DLG2: variants seen among roughly 807,000 people sequenced by gnomAD.
DLG2 encodes disks large homolog 2.
In DLG2, 45 loss-of-function variants were observed where a neutral mutation model predicts 132.5. That is an observed-to-expected ratio of 0.34 (90% CI 0.27 to 0.44). The LOEUF (loss-of-function observed/expected upper bound fraction) is 0.44, where lower values mean the gene tolerates loss of function less well. DLG2 is among the 20% of genes least tolerant of loss of function. DLG2 has a pLI of 1.00. For missense variants in DLG2, 1,045 were observed against 1,196.9 expected (o/e 0.87, Z 1.87); for synonymous variants, 424 against 419.6 (o/e 1.01, Z -0.13).
At chr11:83,947,420 T>G (rs1418615661) in intron 14 of DLG2, among the ~76,000 whole-genome samples, 1 of 152,188 alleles carries the variant, frequency 6.6e-6, no homozygotes, top group Non-Finnish European at 1.5e-5. Flanking sequence ...TCACAAAATC[T>G]ATTCTTAATA....
intron 22 of DLG2, 50 bp from the exon 23 acceptor site, chr11:83,472,827 C>T (rs1324297273): frequency 7.4e-6 from 11 of 1,482,990 alleles, no homozygotes; most frequent in Non-Finnish European, 1.0e-5. Flanking sequence ...TCATATATTA[C>T]AGAGACAAGC....
At chr11:85,492,778 G>T (rs1275845691) in intron 3 of DLG2, among the ~76,000 whole-genome samples, 1 of 149,358 alleles carries the variant, frequency 6.7e-6, no homozygotes, top group Non-Finnish European at 1.5e-5. Flanking sequence ...ACCTTAAAAG[G>T]ATAAACAATG....
At chr11:84,607,214 T>C (rs930935273) in intron 6 of DLG2, among the ~76,000 whole-genome samples, 5 of 152,160 alleles carry the variant, frequency 3.3e-5, no homozygotes, top group African/African-American at 1.2e-4. Flanking sequence ...GCCACAACTA[T>C]AATTCAAGTG....
At chr11:85,514,931 T>C (rs952855902) in intron 3 of DLG2, among the ~76,000 whole-genome samples, 46 of 151,964 alleles carry the variant, frequency 3.0e-4, no homozygotes, top group African/African-American at 1.1e-3. Flanking sequence ...TATACTTTCG[T>C]TGTACATCTA....
chr11:84,790,859 A>G (rs2073735769), intron 6 of DLG2, among the ~76,000 whole-genome samples: 1 of 152,108 alleles, frequency 6.6e-6, no homozygotes, highest in African/African-American at 2.4e-5. Flanking sequence ...CCCCCAGTGT[A>G]TGTTCTTGGC....
At position 83,629,484 on chromosome 11, in the gene DLG2, C is replaced by T. The variant is rs532427726; in HGVS notation, c.1940+3727G>A. ...GAATGATTTGCTTTTTTTCCTTGCCCTCCCCATTCTCCCAGCATCCTGGGT... is the reference window on the plus strand; with the variant it reads ...GAATGATTTGCTTTTTTTCCTTGCCTTCCCCATTCTCCCAGCATCCTGGGT... On this transcript the variant is annotated intron_variant, in intron 19 of 27. Transcript: ENST00000376104. 2.6e-5 allele frequency among the ~76,000 whole-genome samples: 4 copies of T among 152,118 alleles called. No individual in the cohort carries two copies. The East Asian group carries it at 7.7e-4, about 29-fold the overall frequency.
chr11:83,960,601 A>C (rs1003398058), intron 14 of DLG2, among the ~76,000 whole-genome samples: 5 of 151,938 alleles, frequency 3.3e-5, no homozygotes, highest in Non-Finnish European at 7.4e-5. Flanking sequence ...TGCATAAATT[A>C]GGGAACAGGC....
At chr11:83,902,354 T>C (rs2073697321) in intron 15 of DLG2, among the ~76,000 whole-genome samples, 2 of 152,322 alleles carry the variant, frequency 1.3e-5, no homozygotes, top group South Asian at 4.1e-4. Context: ...GAATCAAGAT[T>C]GAATGAATCA....
chr11:83,466,077 G>GT (rs1180214737), intron 26 of DLG2, among the ~76,000 whole-genome samples: 1 of 152,142 alleles, frequency 6.6e-6, no homozygotes, highest in African/African-American at 2.4e-5. Flanking sequence ...GAGTGCACAG[G>GT]TATGAAGCTA....
chr11:84,832,142 A>C (rs1218818976), intron 6 of DLG2, among the ~76,000 whole-genome samples: 1 of 151,626 alleles, frequency 6.6e-6, no homozygotes, highest in Non-Finnish European at 1.5e-5. Flanking sequence ...TCTGTTTTTT[A>C]CTGCTTTAAG....
chr11:84,416,786 T>C (rs1024520273), intron 7 of DLG2, among the ~76,000 whole-genome samples: 2 of 152,218 alleles, frequency 1.3e-5, no homozygotes, highest in Admixed American at 1.3e-4. Flanking sequence ...ACACAGTATA[T>C]GTGCTCAATT....
intron 6 of DLG2, among the ~76,000 whole-genome samples, chr11:84,619,543 G>T (rs1338950567): frequency 6.6e-6 from 1 of 151,316 alleles, no homozygotes; most frequent in Non-Finnish European, 1.5e-5. Context: ...AAGAAAAAAA[G>T]AGAAAATGAC....
intron 6 of DLG2, among the ~76,000 whole-genome samples, chr11:84,619,387 A>T (rs1555103155): frequency 6.6e-6 from 1 of 151,848 alleles, no homozygotes; most frequent in Non-Finnish European, 1.5e-5. Flanking sequence ...TTGTAATTTA[A>T]ATTGTTAATT....
chr11:84,480,370 A>G (rs2099133623), intron 7 of DLG2, among the ~76,000 whole-genome samples: 1 of 152,172 alleles, frequency 6.6e-6, no homozygotes, highest in Admixed American at 6.6e-5. Flanking sequence ...AGACTGTTTA[A>G]TCCTTGAGAG....
In DLG2 at chr11:85,227,607, C is replaced by T. The variant is rs543701095; in HGVS notation, c.186+57613G>A. 2.6e-5 allele frequency among the ~76,000 whole-genome samples: 4 copies of T among 152,170 alleles called. No individual in the cohort carries two copies. The South Asian group carries it at 8.3e-4, about 32-fold the overall frequency. ...CCTTGCATAATTCTTTGTTAACTAT[C>T]TTAAGGAATAAGGAGTTTAATCTTC... On this transcript the variant is annotated intron_variant, in intron 4 of 27. Transcript: ENST00000376104.
At chr11:83,941,914 CAG>C (rs1565737145) in intron 14 of DLG2, among the ~76,000 whole-genome samples, 1 of 152,112 alleles carries the variant, frequency 6.6e-6, no homozygotes, top group Non-Finnish European at 1.5e-5. Context: ...TTTTCTGTGT[CAG>C]TACACATGGC....
chr11:84,747,883 G>A (rs951201118), intron 6 of DLG2, among the ~76,000 whole-genome samples: 3 of 152,132 alleles, frequency 2.0e-5, no homozygotes, highest in African/African-American at 7.2e-5. Context: ...GAATAGAAAA[G>A]TTCTGCGCCT....
intron 6 of DLG2, among the ~76,000 whole-genome samples, chr11:84,650,435 T>C (rs563947616): frequency 4.6e-5 from 7 of 152,198 alleles, no homozygotes; most frequent in Non-Finnish European, 1.0e-4. Context: ...AAATTGGACA[T>C]CTTAATTACT....
At chr11:83,844,246 A>G (rs10898159) in intron 16 of DLG2, among the ~76,000 whole-genome samples, 48,472 of 151,960 alleles carry the variant, frequency 0.32, 8,809 homozygotes, top group Middle Eastern at 0.49. Flanking sequence ...ATAGGGTAAA[A>G]AAAAGGGCCT....
Sources: gnomAD v4.1 joint callset for allele counts (sites outside exome capture counted in the v4.1 genomes callset) on GRCh38, gnomAD v4.1.1 for gene constraint, MANE v1.5 for transcripts, NCBI Gene and HGNC (gene_info 2026-07-23, HGNC 2026-07-21) for gene names.